Variants in NSL1 observed in about 807,000 individuals in gnomAD.
NSL1 encodes kinetochore-associated protein NSL1 homolog.
In NSL1, 11 loss-of-function variants were observed where a neutral mutation model predicts 25.4. The observed-to-expected ratio is 0.43, with a 90% confidence interval of 0.27 to 0.72. The LOEUF (loss-of-function observed/expected upper bound fraction) is 0.72. Ranked by LOEUF, NSL1 falls within the 30% of genes least tolerant of loss-of-function variation. The pLI is 0.19. For missense variants in NSL1, 330 were observed against 342.7 expected, an observed-to-expected ratio of 0.96 and a Z score of 0.29; for synonymous variants, 118 against 120.6, an observed-to-expected ratio of 0.98 and a Z score of 0.14.
intron 2 of NSL1, among the ~76,000 whole-genome samples, chr1:212,786,419 A>G (rs1660948430): frequency 6.6e-6 from 1 of 151,276 alleles, no homozygotes; most frequent in African/African-American, 2.4e-5. Flanking sequence ...AATTAGTTAA[A>G]AAAAAAAAAA....
At position 212,736,212 on chromosome 1, in the gene NSL1, A is replaced by AT; in HGVS notation, c.*2195dup. 1 of 653,636 alleles carries AT rather than the reference A, an allele frequency of 1.5e-6. No homozygotes were observed. Among genetic ancestry groups the AT allele is most frequent in the Non-Finnish European group, 1.9e-6 (1 of 527,226 alleles). The allele number at this position is 653,636 out of a possible 1,614,324, so 40.5% of individuals were successfully genotyped here. On this transcript the variant is annotated 3_prime_UTR_variant, in exon 6 of 6. Coordinates refer to ENST00000366977, the MANE Select transcript of NSL1 (RefSeq NM_015471.4). ...GCCATCACACCCTGCTAATTTTTGT[A>AT]TTTTTTGTAGAAATGGAGTTTCACT...
Position 212,759,535 on chromosome 1 carries a change from A to C in NSL1, c.500-19934T>G, listed in dbSNP as rs543093670. On this transcript the variant is annotated intron_variant, in intron 4 of 5. Transcript: ENST00000366977. ...TGCAGGCCCTAAGACTAGTATAGGG[A>C]GCTGTCTGGAGTCCATACAACATTA... Among the ~76,000 whole-genome samples the C allele has an allele frequency of 6.6e-5, 10 of 152,302 alleles. No homozygotes were observed. In the South Asian group the frequency reaches 2.1e-3, roughly 32 times the overall value.
Position 212,726,493 on chromosome 1 carries a change from C to G in NSL1, c.*11915G>C, listed in dbSNP as rs1657792992. On this transcript the variant is annotated 3_prime_UTR_variant, in exon 6 of 6. Coordinates refer to ENST00000366977, the MANE Select transcript of NSL1 (RefSeq NM_015471.4). ...ATGGGTGTAGGGAGAAGAAGAGGTG[C>G]TGGAGCCATCTATCCAGGTCCCTGT... The G allele has an allele frequency of 6.6e-6, 1 of 152,264 alleles. No individual in the cohort carries two copies. Among genetic ancestry groups the G allele is most frequent in the Non-Finnish European group, 1.5e-5 (1 of 68,090 alleles). The allele number at this position is 152,264 out of a possible 1,614,324, so 9.4% of individuals were successfully genotyped here.
In NSL1 at chr1:212,791,729, G is replaced by A. The variant is rs577064240; in HGVS notation, c.35C>T (p.Pro12Leu). The A allele has an allele frequency of 1.9e-6, 3 of 1,613,536 alleles. No homozygotes were observed. The African/African-American group carries it at 4.0e-5, about 22-fold the overall frequency. ...AGCCGCGAGCTCCTTGTCCCATGGAGGGTCAAGGACCACCAACTCAGGAGA... is the reference window on the plus strand; with the variant it reads ...AGCCGCGAGCTCCTTGTCCCATGGAAGGTCAAGGACCACCAACTCAGGAGA... ...AGSPELVVLD[P>L]PWDKELAAGT... Residue 12 changes from proline to leucine, a missense_variant, in exon 1 of 6, where the codon CCT (proline) becomes CTT (leucine). By Grantham distance (98) the Pro-to-Leu change is moderately conservative. Coordinates refer to ENST00000366977, the MANE Select transcript of NSL1 (RefSeq NM_015471.4).
chr1:212,786,478 T>C (rs1399702809), intron 2 of NSL1, among the ~76,000 whole-genome samples: 1 of 151,908 alleles, frequency 6.6e-6, no homozygotes, highest in East Asian at 1.9e-4. Flanking sequence ...ACATGCTTTC[T>C]TAGCACTACC....
intron 4 of NSL1, among the ~76,000 whole-genome samples, chr1:212,751,385 A>G (rs904187698): frequency 5.9e-5 from 9 of 152,196 alleles, no homozygotes; most frequent in African/African-American, 2.2e-4. Context: ...TGAGAAATGT[A>G]TCTAGACTTG....
chr1:212,779,380 T>TGG (rs567032284), intron 4 of NSL1, among the ~76,000 whole-genome samples: 1 of 103,658 alleles, frequency 9.6e-6, no homozygotes, highest in African/African-American at 3.8e-5. Flanking sequence ...CAGAGGGAGG[T>TGG]GGGGGGGTCA....
intron 4 of NSL1, among the ~76,000 whole-genome samples, chr1:212,745,000 G>A (rs1287677557): frequency 6.6e-6 from 1 of 151,984 alleles, no homozygotes; most frequent in African/African-American, 2.4e-5. Flanking sequence ...GCTGGGCGTG[G>A]TGGTGCATGA....
intron 4 of NSL1, among the ~76,000 whole-genome samples, chr1:212,749,015 A>C (rs558286541): frequency 6.6e-6 from 1 of 152,302 alleles, no homozygotes; most frequent in East Asian, 1.9e-4. Context: ...AAAAAAATAT[A>C]ATCAATATAC....
At chr1:212,771,497 C>A (rs1250839655) in intron 4 of NSL1, among the ~76,000 whole-genome samples, 4 of 151,354 alleles carry the variant, frequency 2.6e-5, no homozygotes, top group East Asian at 2.0e-4. Context: ...GAAGTCCTAG[C>A]CAGAGCAATC....
chr1:212,754,098 G>A (rs941960557), intron 4 of NSL1, among the ~76,000 whole-genome samples: 6 of 152,144 alleles, frequency 3.9e-5, no homozygotes, highest in African/African-American at 1.4e-4. Flanking sequence ...CTAGAGTTTA[G>A]GATTTTAAGC....
At chr1:212,755,499 A>G (rs1475314491) in intron 4 of NSL1, among the ~76,000 whole-genome samples, 1 of 151,770 alleles carries the variant, frequency 6.6e-6, no homozygotes, top group Non-Finnish European at 1.5e-5. Flanking sequence ...AAAATTACCA[A>G]TAAAAACCAT....
intron 2 of NSL1, among the ~76,000 whole-genome samples, chr1:212,786,415 T>G (rs570142781): frequency 6.6e-6 from 1 of 151,014 alleles, no homozygotes; most frequent in African/African-American, 2.4e-5. Flanking sequence ...TCACAATTAG[T>G]TAAAAAAAAA....
chr1:212,789,366 C>G (rs577437273), intron 1 of NSL1, among the ~76,000 whole-genome samples: 1 of 152,186 alleles, frequency 6.6e-6, no homozygotes, highest in Non-Finnish European at 1.5e-5. Context: ...CAAGCGCCAT[C>G]ACACCCGGCT....
chr1:212,782,027 T>C (rs770148438), intron 4 of NSL1: 1 of 551,982 alleles, frequency 1.8e-6, no homozygotes, highest in South Asian at 1.4e-5. Flanking sequence ...TATGAGAGAA[T>C]GCTTTAATAG....
intron 4 of NSL1, among the ~76,000 whole-genome samples, chr1:212,751,852 C>T (rs544781219): frequency 7.2e-5 from 11 of 152,020 alleles, no homozygotes; most frequent in Non-Finnish European, 2.9e-5. Context: ...ACTTTTCACT[C>T]CCTCACTCAA....
At chr1:212,783,978 C>T (rs1660830576) in intron 3 of NSL1, among the ~76,000 whole-genome samples, 1 of 151,544 alleles carries the variant, frequency 6.6e-6, no homozygotes, top group Admixed American at 6.6e-5. Context: ...AATGGTCTTC[C>T]AAAATATACA....
At position 212,744,051 on chromosome 1, in the gene NSL1, A is replaced by C. The variant is rs546334960; in HGVS notation, c.500-4450T>G. Among the ~76,000 whole-genome samples, 4 of 152,328 alleles carry C rather than the reference A, an allele frequency of 2.6e-5. No homozygotes were observed. The South Asian group carries it at 8.3e-4, about 32-fold the overall frequency. ...GAGGTTATCTGTTAAAAACATTGAA[A>C]GGTAACGAAGCAGCAGATGCAGCGT... On this transcript the variant is annotated intron_variant, in intron 4 of 5. Coordinates refer to ENST00000366977, the MANE Select transcript of NSL1 (RefSeq NM_015471.4).
At chr1:212,757,518 C>T (rs1659372195) in intron 4 of NSL1, among the ~76,000 whole-genome samples, 1 of 152,156 alleles carries the variant, frequency 6.6e-6, no homozygotes. Flanking sequence ...ATAGCACCAA[C>T]ATTTGCTCAG....
Sources: gnomAD v4.1 joint callset for allele counts (sites outside exome capture counted in the v4.1 genomes callset) on GRCh38, gnomAD v4.1.1 for gene constraint, MANE v1.5 for transcripts, NCBI Gene and HGNC (gene_info 2026-07-23, HGNC 2026-07-21) for gene names.